The following ANKRD27 variants were observed in gnomAD, a reference collection of about 807,000 sequenced individuals.
ANKRD27 encodes ankyrin repeat domain-containing protein 27.
Under a neutral mutation model 129.7 loss-of-function variants are expected in ANKRD27, and 112 were observed. The observed-to-expected ratio is 0.86, with a 90% CI of 0.74 to 1.01. ANKRD27 has a LOEUF of 1.01. Among genes scored for constraint, ANKRD27 ranks in the 50% least tolerant of loss-of-function variants. ANKRD27 has a pLI of 0.00. For synonymous variants in ANKRD27, 516 were observed against 511.2 expected (o/e 1.01, Z -0.13); for missense variants, 1,258 against 1,300.5 (o/e 0.97, Z 0.50).
intron 12 of ANKRD27, chr19:32,638,271 A>C (rs1255106766): frequency 6.6e-6 from 1 of 152,308 alleles, no homozygotes; most frequent in East Asian, 1.9e-4. Context: ...AGACTCAGAC[A>C]GATGTCGGGA....
chr19:32,625,777 T>A, intron 17 of ANKRD27, 97 bp downstream of exon 17: 2 of 1,091,370 alleles, frequency 1.8e-6, no homozygotes, highest in South Asian at 1.8e-5. Flanking sequence ...AATGTTCCAA[T>A]AATTATCGAC....
chr19:32,643,651 G>A lies in ANKRD27; in HGVS notation c.526-20C>T. On this transcript the variant is annotated intron_variant, in intron 5 of 28. Coordinates refer to ENST00000306065, the MANE Select transcript of ANKRD27 (RefSeq NM_032139.3). ...TGAGTCCTAAACCACATAGAGCAGA[G>A]GGACAGGCCACCCTTACCAGCAAGG... 1.9e-6 allele frequency: 3 copies of A among 1,613,606 alleles called. No individual in the cohort carries two copies. The highest frequency in any genetic ancestry group is 1.7e-6 in the Non-Finnish European group (2 of 1,179,940).
intron 26 of ANKRD27, among the ~76,000 whole-genome samples, chr19:32,601,251 T>C (rs918213562): frequency 1.3e-5 from 2 of 151,490 alleles, no homozygotes; most frequent in Non-Finnish European, 2.9e-5. Flanking sequence ...TGAGCTGAGA[T>C]TGCACCACTG....
intron 22 of ANKRD27, among the ~76,000 whole-genome samples, chr19:32,613,548 C>A (rs939694199): frequency 1.3e-5 from 2 of 152,136 alleles, no homozygotes; most frequent in Non-Finnish European, 2.9e-5. Flanking sequence ...AACTACATGT[C>A]CTTGGACATT....
At chr19:32,598,481 G>T in intron 28 of ANKRD27, 103 bp from the exon 29 acceptor site, 1 of 1,056,464 alleles carries the variant, frequency 9.5e-7, no homozygotes, top group Non-Finnish European at 1.4e-6. Flanking sequence ...CACATAATGT[G>T]CTCAGTGCTT....
chr19:32,648,599 G>A (rs1327598393), intron 3 of ANKRD27, among the ~76,000 whole-genome samples: 1 of 152,118 alleles, frequency 6.6e-6, no homozygotes, highest in Non-Finnish European at 1.5e-5. Flanking sequence ...AGGAGATCGA[G>A]ACCATACTGG....
chr19:32,657,487 C>T (rs1967563200), intron 2 of ANKRD27, among the ~76,000 whole-genome samples: 1 of 147,984 alleles, frequency 6.8e-6, no homozygotes, highest in Admixed American at 6.7e-5. Context: ...ATTAGCCAGG[C>T]ATGGTGGTTT....
chr19:32,664,018 T>C (rs2145323230), intron 1 of ANKRD27, among the ~76,000 whole-genome samples: 1 of 124,850 alleles, frequency 8.0e-6, no homozygotes, highest in South Asian at 2.8e-4. Flanking sequence ...ATCCCGCCAC[T>C]GCACTCCAGC....
intron 10 of ANKRD27, among the ~76,000 whole-genome samples, chr19:32,640,645 T>A (rs1967181829): frequency 6.6e-6 from 1 of 152,182 alleles, no homozygotes; most frequent in Non-Finnish European, 1.5e-5. Context: ...CACGTGCCTG[T>A]AATCCCAGTG....
chr19:32,605,804 G>T (rs560339995), intron 24 of ANKRD27, 31 bp downstream of exon 24: 1 of 1,610,342 alleles, frequency 6.2e-7, no homozygotes, highest in East Asian at 2.2e-5. Context: ...TGGCGCAGGT[G>T]TGTAGAATGA....
In ANKRD27 at chr19:32,607,669, G is replaced by A. The variant is rs777140470; in HGVS notation, c.2339C>T (p.Pro780Leu). The change falls in exon 23 of 29, where the codon CCG becomes CTG. Residue 780 changes from proline to leucine, a missense_variant. By Grantham distance (98) the Pro-to-Leu change is moderately conservative (BLOSUM62 -3). Coordinates refer to ENST00000306065, the MANE Select transcript of ANKRD27 (RefSeq NM_032139.3). ...GCCCTGCTGGCAGGCCAGGTGGAGC[G>A]GGACGGCTTGGTCTGCGTTCCTGGC... Reference protein sequence around the residue: ...AGARNADQAVPLHLACQQGHF... With the variant: ...AGARNADQAVLLHLACQQGHF... 2.0e-5 allele frequency: 33 copies of A among 1,611,662 alleles called. No individual in the cohort carries two copies. In the Admixed American group the frequency reaches 2.8e-4, roughly 14 times the overall value.
intron 1 of ANKRD27, among the ~76,000 whole-genome samples, chr19:32,674,093 G>A (rs575984251): frequency 6.6e-6 from 1 of 152,100 alleles, no homozygotes; most frequent in East Asian, 1.9e-4. Flanking sequence ...GGAGTTTGAG[G>A]CTGCAATGAG....
chr19:32,602,928 C>T (rs1971674792), intron 25 of ANKRD27, among the ~76,000 whole-genome samples: 1 of 151,586 alleles, frequency 6.6e-6, no homozygotes, highest in Admixed American at 6.6e-5. Context: ...ATTTTAAAAA[C>T]CAAAAAAAAT....
intron 2 of ANKRD27, chr19:32,655,332 A>G (rs992041275): frequency 2.6e-5 from 4 of 152,480 alleles, no homozygotes; most frequent in African/African-American, 9.6e-5. Context: ...CAAGTCCACC[A>G]AACAAGGCTG....
chr19:32,604,998 G>A (rs8111867), intron 24 of ANKRD27, among the ~76,000 whole-genome samples: 1 of 152,176 alleles, frequency 6.6e-6, no homozygotes, highest in Non-Finnish European at 1.5e-5. Context: ...CTTGAACCCC[G>A]GAGGCAGAGG....
intron 4 of ANKRD27, 41 bp downstream of exon 4, chr19:32,646,418 T>C (rs1316320149): frequency 6.3e-7 from 1 of 1,576,218 alleles, no homozygotes; most frequent in South Asian, 1.2e-5. Context: ...ACAAACACAT[T>C]TTTCTAAAAC....
chr19:32,642,475 C>T (rs1441235975), intron 9 of ANKRD27, among the ~76,000 whole-genome samples: 2 of 152,152 alleles, frequency 1.3e-5, no homozygotes, highest in African/African-American at 4.8e-5. Context: ...CGCAGTGGCT[C>T]ACGCCTGTAA....
chr19:32,661,490 C>T (rs978199807), intron 1 of ANKRD27, among the ~76,000 whole-genome samples: 19 of 152,190 alleles, frequency 1.2e-4, no homozygotes, highest in Non-Finnish European at 2.1e-4. Context: ...GCATGCACCA[C>T]CACGCCCAAC....
chr19:32,639,952 C>A (rs181361781), intron 11 of ANKRD27, among the ~76,000 whole-genome samples: 34 of 152,194 alleles, frequency 2.2e-4, no homozygotes, highest in Admixed American at 1.6e-3. Flanking sequence ...AGAACTACCA[C>A]AGTGCAGTGC....
Sources: gnomAD v4.1 joint callset for allele counts (sites outside exome capture counted in the v4.1 genomes callset) on GRCh38, gnomAD v4.1.1 for gene constraint, MANE v1.5 for transcripts, NCBI Gene and HGNC (gene_info 2026-07-23, HGNC 2026-07-21) for gene names.